The following WASHC4 variants were observed in gnomAD, a reference collection of about 807,000 sequenced individuals.
WASHC4 encodes the protein WASH complex subunit 7.
Under a neutral mutation model 166.6 loss-of-function variants are expected in WASHC4, and 86 were observed. The ratio of observed to expected loss-of-function variants is 0.52; its 90% confidence interval spans 0.43 to 0.62. The LOEUF is 0.62. Among genes scored for constraint, WASHC4 ranks in the 20% least tolerant of loss-of-function variants. The pLI is 0.00. For missense variants in WASHC4, 1,262 were observed against 1,382.4 expected (o/e 0.91, Z 1.38); for synonymous variants, 446 against 451.6 (o/e 0.99, Z 0.16).
intron 6 of WASHC4, among the ~76,000 whole-genome samples, chr12:105,116,770 G>A (rs552488513): frequency 4.6e-5 from 7 of 152,128 alleles, no homozygotes; most frequent in African/African-American, 1.2e-4. Context: ...ATTCAATATA[G>A]AGAATTGGTT....
chr12:105,148,526 G>T (rs913829721), intron 24 of WASHC4: 5 of 985,228 alleles, frequency 5.1e-6, no homozygotes, highest in Non-Finnish European at 4.8e-6. Context: ...AGCATAGAAG[G>T]ATAGAAATCA....
chr12:105,129,071 G>A (rs888295220), intron 13 of WASHC4, among the ~76,000 whole-genome samples: 7 of 151,296 alleles, frequency 4.6e-5, no homozygotes, highest in Admixed American at 3.3e-4. Context: ...TCAGCCTCCC[G>A]AGTAGCTGGG....
intron 22 of WASHC4, among the ~76,000 whole-genome samples, chr12:105,145,730 A>T (rs1883236126): frequency 6.6e-6 from 1 of 152,136 alleles, no homozygotes; most frequent in Non-Finnish European, 1.5e-5. Context: ...ATAAAAACTT[A>T]AAAAGGTATT....
At position 105,126,470 on chromosome 12, in the gene WASHC4, G is replaced by C. The variant is rs1018356922; in HGVS notation, c.1038+108G>C. 29 of 874,866 alleles carry C rather than the reference G, an allele frequency of 3.3e-5. No individual in the cohort carries two copies. In the African/African-American group the frequency reaches 4.8e-4, roughly 14 times the overall value. 54.2% of individuals were successfully genotyped at this position (874,866 alleles called of 1,614,324 possible). On this transcript the variant is annotated intron_variant, in intron 12 of 32. Transcript: ENST00000332180. ...TCCTGTTTACAAAAATAATTTAAAAGTATTCACTTGTAAAATTCAAGTATT... is the reference window on the plus strand; with the variant it reads ...TCCTGTTTACAAAAATAATTTAAAACTATTCACTTGTAAAATTCAAGTATT...
chr12:105,129,307 A>G (rs1592867044), intron 13 of WASHC4, among the ~76,000 whole-genome samples: 1 of 151,574 alleles, frequency 6.6e-6, no homozygotes, highest in Admixed American at 6.6e-5. Context: ...CTGGTCTTGA[A>G]CTCCTGACCT....
In WASHC4 at chr12:105,146,494, G is replaced by A; in HGVS notation, c.2377G>A (p.Val793Met). The part of the protein sequence containing the change: ...LEIMRNIHIF[V>M]SRYLYNLNNQ... ...AATTATGAGAAACATTCATATATTT[G>A]TGTCCCGATACCTCTATAATCTCAA... The change falls in exon 23 of 33, where the codon GTG (valine) becomes ATG (methionine). Residue 793 changes from valine (V) to methionine (M), a missense_variant. Physicochemically the swap from Val to Met is conservative, Grantham distance 21 (BLOSUM62 1). Transcript: ENST00000332180. The A allele has an allele frequency of 6.2e-7, 1 of 1,604,238 alleles. No individual in the cohort carries two copies. The highest frequency in any genetic ancestry group is 8.5e-7 in the Non-Finnish European group (1 of 1,171,732).
chr12:105,146,859 G>A (rs900254986), intron 23 of WASHC4, among the ~76,000 whole-genome samples, 183 bp from the exon 24 acceptor site: 4 of 151,986 alleles, frequency 2.6e-5, no homozygotes, highest in Non-Finnish European at 5.9e-5. Context: ...CAAAGGAAAC[G>A]CTCATTGGAA....
At chr12:105,142,157 A>G (rs1390463617) in intron 18 of WASHC4, among the ~76,000 whole-genome samples, 1 of 152,150 alleles carries the variant, frequency 6.6e-6, no homozygotes, top group African/African-American at 2.4e-5. Flanking sequence ...AAAATGGTCA[A>G]TAAATGTTTA....
intron 13 of WASHC4, among the ~76,000 whole-genome samples, chr12:105,132,229 C>T (rs1365893982): frequency 6.6e-6 from 1 of 152,192 alleles, no homozygotes; most frequent in Non-Finnish European, 1.5e-5. Flanking sequence ...AGTGCAGTGG[C>T]GTGATCTTAG....
intron 26 of WASHC4, chr12:105,156,384 C>T (rs188449780): frequency 1.8e-5 from 3 of 162,726 alleles, no homozygotes; most frequent in Admixed American, 6.3e-5. Flanking sequence ...GTGTATGTGG[C>T]GGAGATTGAA....
intron 13 of WASHC4, among the ~76,000 whole-genome samples, chr12:105,130,764 C>T (rs903814104): frequency 6.6e-6 from 1 of 152,210 alleles, no homozygotes; most frequent in Non-Finnish European, 1.5e-5. Flanking sequence ...GCCTCCTTGA[C>T]TGGGGTCCAA....
intron 13 of WASHC4, among the ~76,000 whole-genome samples, chr12:105,131,446 A>G (rs1256204606): frequency 1.3e-5 from 2 of 152,260 alleles, no homozygotes; most frequent in African/African-American, 4.8e-5. Flanking sequence ...TCACAGAGTG[A>G]TGGGCAGAAG....
intron 13 of WASHC4, 130 bp downstream of exon 13, chr12:105,127,419 A>T: frequency 2.7e-6 from 2 of 738,282 alleles, no homozygotes; most frequent in East Asian, 5.4e-5. Context: ...GGGTCAGGCA[A>T]TCTCCAGGAG....
In WASHC4 at chr12:105,107,849, G is replaced by A. The variant is rs191511427; in HGVS notation, c.49G>A (p.Asp17Asn). 2.6e-4 allele frequency: 403 copies of A among 1,550,470 alleles called. 1 individual carries two copies. In the African/African-American group the frequency reaches 4.8e-3, roughly 18 times the overall value. Residue 17 changes from aspartate to asparagine, a missense_variant, in exon 1 of 33, where the codon GAC becomes AAC. Transcript: ENST00000332180. Reference sequence around the variant, plus strand: ...GGACTGGGAGTTTGACCGCGTTGACGACGGCTCGCAGAGTAAGGGAGCTGC... The same window carrying A: ...GGACTGGGAGTTTGACCGCGTTGACAACGGCTCGCAGAGTAAGGGAGCTGC... ...SPDWEFDRVD[D>N]GSQKIHAEVQ... is the part of the protein sequence containing the mutation.
intron 10 of WASHC4, among the ~76,000 whole-genome samples, chr12:105,123,198 C>A (rs1456912384): frequency 6.6e-6 from 1 of 152,080 alleles, no homozygotes; most frequent in African/African-American, 2.4e-5. Context: ...CTTGTAATCC[C>A]AGCTACTCGG....
At chr12:105,135,997 GATTTGT>G (rs1290282302) in intron 14 of WASHC4, among the ~76,000 whole-genome samples, 4 of 152,078 alleles carry the variant, frequency 2.6e-5, no homozygotes, top group African/African-American at 9.7e-5. Flanking sequence ...CTCCAGAAGG[GATTTGT>G]ATTTGTATTT....
intron 29 of WASHC4, 79 bp downstream of exon 29, chr12:105,160,227 GA>G: frequency 8.6e-7 from 1 of 1,157,838 alleles, no homozygotes. Context: ...TTTGTAACAC[GA>G]AATGCATACA....
chr12:105,117,131 G>A (rs1302042244), intron 6 of WASHC4, among the ~76,000 whole-genome samples: 1 of 152,176 alleles, frequency 6.6e-6, no homozygotes, highest in Non-Finnish European at 1.5e-5. Context: ...CCTTAGCTAT[G>A]ATCATGATTA....
chr12:105,133,000 T>G (rs780743460), intron 13 of WASHC4, among the ~76,000 whole-genome samples: 8 of 152,266 alleles, frequency 5.3e-5, no homozygotes, highest in Non-Finnish European at 7.4e-5. Context: ...TACCATTGCC[T>G]CCTCTGTAGT....
Sources: gnomAD v4.1 joint callset for allele counts (sites outside exome capture counted in the v4.1 genomes callset) on GRCh38, gnomAD v4.1.1 for gene constraint, MANE v1.5 for transcripts, NCBI Gene and HGNC (gene_info 2026-07-23, HGNC 2026-07-21) for gene names.